The following DOK6 variants were observed in gnomAD, a reference collection of about 807,000 sequenced individuals.
DOK6 encodes the protein downstream of tyrosine kinase 6.
In DOK6, 22 loss-of-function variants were observed where a neutral mutation model predicts 44.0. The ratio of observed to expected loss-of-function variants is 0.50; its 90% CI spans 0.36 to 0.71. DOK6 has a LOEUF of 0.71. DOK6 is among the 30% of genes least tolerant of loss of function. DOK6 has a pLI of 0.00. For synonymous variants in DOK6, 166 were observed against 145.5 expected, an observed-to-expected ratio of 1.14 and a Z score of -1.01; for missense variants, 340 against 416.4, an observed-to-expected ratio of 0.82 and a Z score of 1.60.
intron 4 of DOK6, among the ~76,000 whole-genome samples, chr18:69,682,293 G>C (rs545905866): frequency 6.6e-6 from 1 of 152,300 alleles, no homozygotes; most frequent in South Asian, 2.1e-4. Flanking sequence ...CATAAACAAA[G>C]TGCATCAATT....
chr18:69,474,500 C>T (rs1455551505), intron 1 of DOK6, among the ~76,000 whole-genome samples: 1 of 152,144 alleles, frequency 6.6e-6, no homozygotes, highest in Non-Finnish European at 1.5e-5. Context: ...GTGCTTCGAT[C>T]TTTAAAATAA....
At chr18:69,687,821 T>G (rs1986185718) in intron 4 of DOK6, among the ~76,000 whole-genome samples, 1 of 152,186 alleles carries the variant, frequency 6.6e-6, no homozygotes, top group Non-Finnish European at 1.5e-5. Flanking sequence ...GGCAAAGATA[T>G]CTTTCTCATT....
At chr18:69,449,680 G>A (rs575907906) in intron 1 of DOK6, among the ~76,000 whole-genome samples, 56 of 152,134 alleles carry the variant, frequency 3.7e-4, no homozygotes, top group Non-Finnish European at 6.9e-4. Flanking sequence ...TTTGAAGAGA[G>A]CAGTGGTTCT....
chr18:69,709,572 G>T (rs1398872711), intron 5 of DOK6, among the ~76,000 whole-genome samples: 2 of 151,840 alleles, frequency 1.3e-5, no homozygotes, highest in East Asian at 3.9e-4. Flanking sequence ...TCTAGACAAA[G>T]ATTATAAATT....
intron 7 of DOK6, among the ~76,000 whole-genome samples, chr18:69,800,155 A>G (rs1980861171): frequency 6.6e-6 from 1 of 152,192 alleles, no homozygotes; most frequent in Middle Eastern, 3.4e-3. Context: ...GCATTGAAAC[A>G]GTAAATGAAA....
chr18:69,689,476 A>G (rs145473691), intron 4 of DOK6, among the ~76,000 whole-genome samples: 1 of 152,364 alleles, frequency 6.6e-6, no homozygotes, highest in East Asian at 1.9e-4. Flanking sequence ...TCTCACAATC[A>G]GGAAAACAAA....
At chr18:69,424,681 T>G (rs1432797704) in intron 1 of DOK6, among the ~76,000 whole-genome samples, 1 of 152,326 alleles carries the variant, frequency 6.6e-6, no homozygotes, top group East Asian at 1.9e-4. Flanking sequence ...ATAAAGCTAC[T>G]ATCTTCTAGT....
chr18:69,731,660 G>C (rs542077364), intron 5 of DOK6, among the ~76,000 whole-genome samples: 1 of 151,948 alleles, frequency 6.6e-6, no homozygotes, highest in Non-Finnish European at 1.5e-5. Flanking sequence ...TGTTCTTTTT[G>C]CTCTGAAGAA....
At chr18:69,584,070 T>C (rs1429618709) in intron 2 of DOK6, among the ~76,000 whole-genome samples, 1 of 134,022 alleles carries the variant, frequency 7.5e-6, no homozygotes, top group African/African-American at 2.8e-5. Flanking sequence ...ATCGCGCCAC[T>C]GCACTCCAGC....
chr18:69,763,470 C>T (rs1306408663), intron 7 of DOK6, among the ~76,000 whole-genome samples: 2 of 152,136 alleles, frequency 1.3e-5, no homozygotes, highest in African/African-American at 4.8e-5. Context: ...AAACTCGCAA[C>T]TCTGAAGTGA....
At chr18:69,736,351 T>A (rs1013525332) in intron 5 of DOK6, among the ~76,000 whole-genome samples, 1 of 152,152 alleles carries the variant, frequency 6.6e-6, no homozygotes, top group East Asian at 1.9e-4. Context: ...TGGAAACAAG[T>A]GTCCCAGTTC....
intron 1 of DOK6, among the ~76,000 whole-genome samples, chr18:69,404,406 G>A (rs1289251944): frequency 6.6e-6 from 1 of 152,278 alleles, no homozygotes; most frequent in East Asian, 1.9e-4. Context: ...TATCCAGTCA[G>A]TTTTTGGTTT....
intron 1 of DOK6, among the ~76,000 whole-genome samples, chr18:69,414,648 A>G (rs926976608): frequency 7.9e-5 from 12 of 152,044 alleles, no homozygotes; most frequent in Non-Finnish European, 1.8e-4. Context: ...GATGGTTGAA[A>G]TGTTCTGTAT....
chr18:69,538,282 C>A (rs35766059), intron 1 of DOK6, among the ~76,000 whole-genome samples: 4 of 151,964 alleles, frequency 2.6e-5, no homozygotes, highest in African/African-American at 9.7e-5. Flanking sequence ...CGCTTGAGGT[C>A]TAAATTTTAG....
At chr18:69,480,123 CAAGT>C (rs987503959) in intron 1 of DOK6, among the ~76,000 whole-genome samples, 18 of 151,960 alleles carry the variant, frequency 1.2e-4, no homozygotes, top group African/African-American at 4.3e-4. Context: ...AAAATAAATA[CAAGT>C]TAGTAGTAGT....
chr18:69,643,944 C>T lies in DOK6; in HGVS notation c.290-33790C>T, dbSNP rs142377847. Among the ~76,000 whole-genome samples, 26 of 152,216 alleles carry T rather than the reference C, an allele frequency of 1.7e-4. No individual in the cohort carries two copies. The East Asian group carries it at 3.9e-3, about 23-fold the overall frequency. ...TTGTATTATTTTTAATTTGGCCATCCGGATAGGTGCGTAGTGACATTTCAT... is the reference window on the plus strand; with the variant it reads ...TTGTATTATTTTTAATTTGGCCATCTGGATAGGTGCGTAGTGACATTTCAT... On this transcript the variant is annotated intron_variant, in intron 3 of 7. Transcript: ENST00000382713.
intron 3 of DOK6, among the ~76,000 whole-genome samples, chr18:69,631,697 T>C (rs1984693818): frequency 6.6e-6 from 1 of 152,216 alleles, no homozygotes; most frequent in Non-Finnish European, 1.5e-5. Context: ...AGACGTTTGA[T>C]ACCGTGAATA....
chr18:69,478,490 A>T (rs896209287), intron 1 of DOK6, among the ~76,000 whole-genome samples: 17 of 152,116 alleles, frequency 1.1e-4, no homozygotes, highest in African/African-American at 3.4e-4. Context: ...TTCCTAATCT[A>T]AAACAAATGG....
At chr18:69,685,460 G>C (rs1986132285) in intron 4 of DOK6, among the ~76,000 whole-genome samples, 1 of 152,186 alleles carries the variant, frequency 6.6e-6, no homozygotes, top group East Asian at 1.9e-4. Context: ...GACTAAATAA[G>C]ATATGACTTG....
Sources: gnomAD v4.1 joint callset for allele counts (sites outside exome capture counted in the v4.1 genomes callset) on GRCh38, gnomAD v4.1.1 for gene constraint, MANE v1.5 for transcripts, NCBI Gene and HGNC (gene_info 2026-07-23, HGNC 2026-07-21) for gene names.